The following FRMD4B variants were observed in gnomAD, a reference collection of about 807,000 sequenced individuals.
FRMD4B encodes the protein FERM domain containing 4B.
In FRMD4B, 74 loss-of-function variants were observed where a neutral mutation model predicts 141.5. The ratio of observed to expected loss-of-function variants is 0.52; its 90% CI spans 0.43 to 0.63. FRMD4B has a LOEUF of 0.63. Ranked by LOEUF, FRMD4B falls within the 30% of genes least tolerant of loss-of-function variation. The pLI is 0.00. For missense variants in FRMD4B, 1,366 were observed against 1,253.4 expected (o/e 1.09, Z -1.36); for synonymous variants, 506 against 467.9 (o/e 1.08, Z -1.05).
At chr3:69,435,607 C>G (rs1575801852) in intron 1 of FRMD4B, among the ~76,000 whole-genome samples, 1 of 152,322 alleles carries the variant, frequency 6.6e-6, no homozygotes, top group African/African-American at 2.4e-5. Flanking sequence ...AAAATATACT[C>G]TATCTGGCCC....
intron 1 of FRMD4B, among the ~76,000 whole-genome samples, chr3:69,509,316 G>T (rs868821192): frequency 2.6e-5 from 4 of 152,224 alleles, no homozygotes; most frequent in Admixed American, 6.5e-5. Flanking sequence ...GGGCAAGTCT[G>T]TTGCCAAATT....
chr3:69,267,468 T>C (rs919351614), intron 5 of FRMD4B, among the ~76,000 whole-genome samples: 3 of 151,798 alleles, frequency 2.0e-5, no homozygotes, highest in African/African-American at 7.3e-5. Flanking sequence ...GGTTATTAAT[T>C]TCATAAAACT....
chr3:69,234,847 C>A (rs867874873), intron 7 of FRMD4B, among the ~76,000 whole-genome samples: 1 of 152,182 alleles, frequency 6.6e-6, no homozygotes, highest in South Asian at 2.1e-4. Context: ...AGGATAAACA[C>A]AACATAAAAC....
chr3:69,413,067 T>G (rs902838185), intron 2 of FRMD4B, among the ~76,000 whole-genome samples: 1 of 152,182 alleles, frequency 6.6e-6, no homozygotes, highest in Non-Finnish European at 1.5e-5. Flanking sequence ...TCTATGATAA[T>G]GGTTCATTGC....
chr3:69,459,345 C>T (rs944443946), intron 1 of FRMD4B, among the ~76,000 whole-genome samples: 16 of 152,148 alleles, frequency 1.1e-4, no homozygotes, highest in Non-Finnish European at 1.8e-4. Flanking sequence ...GGTAATAGCT[C>T]AAATACTCAG....
intron 1 of FRMD4B, among the ~76,000 whole-genome samples, chr3:69,505,118 C>T (rs1233986456): frequency 6.6e-6 from 1 of 152,064 alleles, no homozygotes; most frequent in Admixed American, 6.5e-5. Flanking sequence ...GCCTATAATC[C>T]CAGCATTTTG....
chr3:69,494,683 G>T (rs1706356419), intron 1 of FRMD4B, among the ~76,000 whole-genome samples: 1 of 152,164 alleles, frequency 6.6e-6, no homozygotes, highest in Non-Finnish European at 1.5e-5. Flanking sequence ...CCTGAGGTCA[G>T]GGGTTTGAGA....
chr3:69,358,383 G>T (rs1016619929), intron 1 of FRMD4B, among the ~76,000 whole-genome samples: 2 of 152,072 alleles, frequency 1.3e-5, no homozygotes, highest in Non-Finnish European at 2.9e-5. Context: ...TTGTGCTATG[G>T]TTTGAATGTC....
intron 5 of FRMD4B, among the ~76,000 whole-genome samples, chr3:69,252,653 T>G (rs1203565334): frequency 1.3e-5 from 2 of 152,182 alleles, no homozygotes; most frequent in Non-Finnish European, 2.9e-5. Context: ...TGCAATTTCA[T>G]TTGATGAAAT....
chr3:69,497,561 C>A (rs1484355567), intron 1 of FRMD4B, among the ~76,000 whole-genome samples: 1 of 152,010 alleles, frequency 6.6e-6, no homozygotes, highest in Non-Finnish European at 1.5e-5. Context: ...TCTCAATATC[C>A]TCCTTATAAT....
intron 1 of FRMD4B, among the ~76,000 whole-genome samples, chr3:69,450,233 C>T (rs1705473200): frequency 6.6e-6 from 1 of 152,198 alleles, no homozygotes; most frequent in Non-Finnish European, 1.5e-5. Flanking sequence ...AAAAAGTAAA[C>T]CACTTCAGGC....
chr3:69,461,132 G>A (rs1559534287), intron 1 of FRMD4B, among the ~76,000 whole-genome samples: 1 of 152,218 alleles, frequency 6.6e-6, no homozygotes, highest in Non-Finnish European at 1.5e-5. Flanking sequence ...CTCTGCGTGT[G>A]ATATCCCCTG....
At chr3:69,312,637 G>A (rs1333798320) in intron 2 of FRMD4B, among the ~76,000 whole-genome samples, 4 of 152,200 alleles carry the variant, frequency 2.6e-5, no homozygotes, top group Admixed American at 1.3e-4. Context: ...AGAGGCTCAC[G>A]CCTGTAATCC....
At chr3:69,538,664 G>C (rs754702471) in intron 1 of FRMD4B, among the ~76,000 whole-genome samples, 1 of 152,176 alleles carries the variant, frequency 6.6e-6, no homozygotes, top group Non-Finnish European at 1.5e-5. Context: ...GGAAGCATGA[G>C]ATAAAAAATG....
chr3:69,480,063 C>T (rs1291582438), intron 1 of FRMD4B, among the ~76,000 whole-genome samples: 1 of 152,212 alleles, frequency 6.6e-6, no homozygotes, highest in Non-Finnish European at 1.5e-5. Flanking sequence ...TCCATCAGCT[C>T]CTTTAAGCAC....
At chr3:69,179,950 A>C (rs1377921351) in intron 21 of FRMD4B, among the ~76,000 whole-genome samples, 5 of 152,208 alleles carry the variant, frequency 3.3e-5, no homozygotes, top group Non-Finnish European at 7.3e-5. Flanking sequence ...AGTACCTAGT[A>C]CAACTGGGAG....
chr3:69,175,444 T>C (rs1048521541), intron 22 of FRMD4B, among the ~76,000 whole-genome samples: 1 of 152,242 alleles, frequency 6.6e-6, no homozygotes, highest in Non-Finnish European at 1.5e-5. Flanking sequence ...TTTCCTCTAA[T>C]GTTTACAAAG....
intron 1 of FRMD4B, among the ~76,000 whole-genome samples, chr3:69,438,933 T>C (rs1195861055): frequency 2.0e-5 from 3 of 152,216 alleles, no homozygotes; most frequent in Non-Finnish European, 4.4e-5. Flanking sequence ...GTCTTTACTC[T>C]TTTAAGTGAT....
rs73838340 is a variant in FRMD4B, at chr3:69,294,889, C to T, written c.417-7053G>A. On this transcript the variant is annotated intron_variant, in intron 4 of 22. Coordinates refer to ENST00000398540, the MANE Select transcript of FRMD4B (RefSeq NM_015123.3). ...AAAGTGGGGAAGTAACATCTGGGCA[C>T]GGTGAATAATGAAGATAAATGATAA... 4.1e-3 allele frequency among the ~76,000 whole-genome samples: 626 copies of T among 152,154 alleles called. 5 individuals are homozygous for T. Among genetic ancestry groups the T allele is most frequent in the African/African-American group, 0.014 (586 of 41,520 alleles).
Sources: gnomAD v4.1 joint callset for allele counts (sites outside exome capture counted in the v4.1 genomes callset) on GRCh38, gnomAD v4.1.1 for gene constraint, MANE v1.5 for transcripts, NCBI Gene and HGNC (gene_info 2026-07-23, HGNC 2026-07-21) for gene names.